The following C4orf51 variants were observed in gnomAD, a reference collection of about 807,000 sequenced individuals.
The protein encoded by C4orf51 is chromosome 4 open reading frame 51, also known as uncharacterized protein C4orf51.
C4orf51 carries 25 observed loss-of-function variants against 25.2 expected under a neutral mutation model. That is an observed-to-expected ratio of 0.99 (90% CI 0.72 to 1.39). The LOEUF (loss-of-function observed/expected upper bound fraction) is 1.39. Among genes scored for constraint, C4orf51 ranks in the 40% most tolerant of loss-of-function variants. The pLI is 0.00. For missense variants in C4orf51, 252 were observed against 239.6 expected, an observed-to-expected ratio of 1.05 and a Z score of -0.34; for synonymous variants, 100 against 84.5, an observed-to-expected ratio of 1.18 and a Z score of -1.01.
At chr4:145,790,183 T>C in the C4orf51 span, among the ~76,000 whole-genome samples, 1 of 152,198 alleles carries the variant, frequency 6.6e-6, no homozygotes, top group Non-Finnish European at 1.5e-5. Flanking sequence ...TTATCTTCTA[T>C]AATTTACTAT....
the C4orf51 span, among the ~76,000 whole-genome samples, chr4:145,789,035 A>T: frequency 6.6e-6 from 1 of 152,250 alleles, no homozygotes; most frequent in African/African-American, 2.4e-5. Flanking sequence ...CTAGACAATG[A>T]GATATAGGTG....
chr4:145,728,777 A>G (rs964823199), intron 3 of C4orf51, among the ~76,000 whole-genome samples: 6 of 152,130 alleles, frequency 3.9e-5, no homozygotes, highest in Non-Finnish European at 5.9e-5. Flanking sequence ...TAATGATAGT[A>G]TATTTCCTTT....
chr4:145,682,324 G>A (rs1334669047), intron 1 of C4orf51, among the ~76,000 whole-genome samples: 1 of 152,204 alleles, frequency 6.6e-6, no homozygotes, highest in African/African-American at 2.4e-5. Context: ...CATTTTGAAA[G>A]TACTGATTAT....
chr4:145,764,143 T>G (rs913900509), intron 1 of C4orf51, among the ~76,000 whole-genome samples: 6 of 152,256 alleles, frequency 3.9e-5, no homozygotes, highest in African/African-American at 1.4e-4. Context: ...TCATTCAACA[T>G]GATCGTTTAG....
At position 145,765,314 on chromosome 4, in the gene C4orf51, TA is replaced by T. The variant is rs1560888205; in HGVS notation, n.167-5670del. 9.0e-6 allele frequency: 9 copies of T among 997,322 alleles called. No homozygotes were observed. The highest frequency in any genetic ancestry group is 4.3e-6 in the Non-Finnish European group (3 of 697,912). 61.8% of individuals were successfully genotyped at this position (997,322 alleles called of 1,614,324 possible). On this transcript the variant is annotated intron_variant and non_coding_transcript_variant, in intron 1 of 1. Transcript: ENST00000510096. This position sits in a 1 kb window ranked among gnomAD's most constrained non-coding sequence, Gnocchi z 4.7. The stretch of plus-strand genomic sequence containing the variant: ...GGCACTGTTCCCCATATCTCTGTGC[TA>T]AAAGGAGTTAAATGTACAAACATCG...
chr4:145,789,359 C>A, the C4orf51 span, among the ~76,000 whole-genome samples: 1 of 152,012 alleles, frequency 6.6e-6, no homozygotes, highest in Non-Finnish European at 1.5e-5. Context: ...CAGTTTATCT[C>A]CATTATGCAA....
intron 1 of C4orf51, among the ~76,000 whole-genome samples, chr4:145,746,258 T>C (rs566739654): frequency 6.6e-6 from 1 of 152,302 alleles, no homozygotes; most frequent in African/African-American, 2.4e-5. Context: ...TAGTTGCCTG[T>C]GCTTGTGGGG....
chr4:145,730,061 C>A, intron 5 of C4orf51, 96 bp downstream of exon 5: 1 of 996,118 alleles, frequency 1.0e-6, no homozygotes, highest in Non-Finnish European at 1.6e-6. Context: ...GGGTGGTGGC[C>A]TGTGTATGTT....
intron 2 of C4orf51, among the ~76,000 whole-genome samples, chr4:145,708,815 G>T (rs1047713916): frequency 5.9e-5 from 9 of 152,204 alleles, no homozygotes; most frequent in Admixed American, 6.5e-5. Flanking sequence ...TGAACTCATA[G>T]TGACTCTCAC....
downstream of C4orf51, among the ~76,000 whole-genome samples, chr4:145,735,884 G>T (rs1241492559): frequency 1.3e-5 from 2 of 152,194 alleles, no homozygotes; most frequent in East Asian, 3.8e-4. Flanking sequence ...GCATCACTCT[G>T]GTTCTGCGAG....
At chr4:145,773,311 C>A (rs987482485), downstream of C4orf51, among the ~76,000 whole-genome samples, 1 of 152,200 alleles carries the variant, frequency 6.6e-6, no homozygotes, top group South Asian at 2.1e-4. Flanking sequence ...CGGCTCTCTG[C>A]AGACCTCCAA....
At chr4:145,688,926 C>G (rs1285102580) in intron 1 of C4orf51, among the ~76,000 whole-genome samples, 1 of 152,102 alleles carries the variant, frequency 6.6e-6, no homozygotes, top group Non-Finnish European at 1.5e-5. Context: ...AAGGTGAGGT[C>G]TTGTTCTACC....
intron 2 of C4orf51, among the ~76,000 whole-genome samples, chr4:145,715,156 A>G (rs1347790454): frequency 6.6e-6 from 1 of 152,148 alleles, no homozygotes; most frequent in African/African-American, 2.4e-5. Flanking sequence ...GGGTGTACCC[A>G]TGGGCCAGTT....
At chr4:145,730,675 T>G (rs570428578) in intron 5 of C4orf51, among the ~76,000 whole-genome samples, 1 of 149,308 alleles carries the variant, frequency 6.7e-6, no homozygotes, top group African/African-American at 2.5e-5. Context: ...TATTATACCA[T>G]GGGTTTGATA....
chr4:145,692,910 C>T (rs958555342), intron 1 of C4orf51, among the ~76,000 whole-genome samples: 16 of 142,168 alleles, frequency 1.1e-4, no homozygotes, highest in Non-Finnish European at 2.0e-4. Context: ...ATACACACTG[C>T]ATCTGTGAGT....
chr4:145,755,824 T>A (rs1457400919), downstream of C4orf51, among the ~76,000 whole-genome samples: 1 of 152,204 alleles, frequency 6.6e-6, no homozygotes, highest in Non-Finnish European at 1.5e-5. Flanking sequence ...GGCTGGAGTA[T>A]CTTGAATATC....
chr4:145,792,079 A>G, the C4orf51 span, among the ~76,000 whole-genome samples: 1 of 152,230 alleles, frequency 6.6e-6, no homozygotes, highest in African/African-American at 2.4e-5. Flanking sequence ...TTCTGGCCTC[A>G]AGATTTCTAT....
At chr4:145,706,068 C>T (rs1158820699) in intron 2 of C4orf51, among the ~76,000 whole-genome samples, 1 of 152,120 alleles carries the variant, frequency 6.6e-6, no homozygotes, top group Non-Finnish European at 1.5e-5. Context: ...CAGGGTTAGT[C>T]TAAATTGCAG....
the C4orf51 span, among the ~76,000 whole-genome samples, chr4:145,790,686 A>G: frequency 6.6e-6 from 1 of 152,216 alleles, no homozygotes; most frequent in Non-Finnish European, 1.5e-5. Flanking sequence ...GATCATATCA[A>G]TCATTCCTTT....
Sources: allele counts gnomAD v4.1 joint callset (sites outside exome capture counted in the v4.1 genomes callset), GRCh38; gene constraint gnomAD v4.1.1; non-coding constraint Gnocchi (gnomAD v3.1); transcripts MANE v1.5; gene names NCBI Gene and HGNC (gene_info 2026-07-23, HGNC 2026-07-21).